The following EGR1 variants were observed in gnomAD, a reference collection of about 807,000 sequenced individuals.
The protein encoded by EGR1 is early growth response protein 1.
In EGR1, 8 loss-of-function variants were observed where a neutral mutation model predicts 30.2. The ratio of observed to expected loss-of-function variants is 0.26; its 90% CI spans 0.16 to 0.48. The LOEUF (loss-of-function observed/expected upper bound fraction) is 0.48, where lower values mean the gene tolerates loss of function less well. Among genes scored for constraint, EGR1 ranks in the 20% least tolerant of loss-of-function variants. EGR1 has a pLI of 0.99. For synonymous variants in EGR1, 334 were observed against 312.8 expected, an observed-to-expected ratio of 1.07 and a Z score of -0.72; for missense variants, 568 against 732.3, an observed-to-expected ratio of 0.78 and a Z score of 2.59.
At chr5:138,466,198 T>C in intron 1 of EGR1, 130 bp downstream of exon 1, 1 of 1,401,048 alleles carries the variant, frequency 7.1e-7, no homozygotes, top group Non-Finnish European at 9.4e-7. Flanking sequence ...ATCCCCAGAG[T>C]CATGTGTTAG....
rs762279773 is a variant in EGR1, at chr5:138,467,257, G to A, written c.808G>A (p.Asp270Asn). Residue 270 changes from aspartate (D) to asparagine (N), a missense_variant, in exon 2 of 2, where the codon GAC becomes AAC. By Grantham distance (23) the Asp-to-Asn change is conservative. Transcript: ENST00000239938. This position sits in a 1 kb window ranked among gnomAD's most constrained non-coding sequence, Gnocchi z 8.3. ...GGGGGATCTGGGCCTGGGCACCCCA[G>A]ACCAGAAGCCCTTCCAGGGCCTGGA... ...QQGDLGLGTPDQKPFQGLESR... is the reference protein window; with the variant it reads ...QQGDLGLGTPNQKPFQGLESR... The A allele has an allele frequency of 1.4e-5, 22 of 1,613,788 alleles. No homozygotes were observed. Among genetic ancestry groups the A allele is most frequent in the Non-Finnish European group, 1.9e-5 (22 of 1,180,026 alleles).
Position 138,468,109 on chromosome 5 carries a change from G to T in EGR1, c.*28G>T. On this transcript the variant is annotated 3_prime_UTR_variant, in exon 2 of 2. Coordinates refer to ENST00000239938, the MANE Select transcript of EGR1 (RefSeq NM_001964.3). ...GGAAAGGGGAAAGAAAGGGAAAAGG[G>T]AGAAAAAGAAACACAAGAGACTTAA... The T allele has an allele frequency of 1.3e-6, 2 of 1,541,680 alleles. No homozygotes were observed. The highest frequency in any genetic ancestry group is 1.3e-5 in the South Asian group (1 of 79,124).
In EGR1 at chr5:138,467,413, C is replaced by G; in HGVS notation, c.964C>G (p.Arg322Gly). ...CCAGCTCATCAAACCCAGCCGCATG[C>G]GCAAGTACCCCAACCGGCCCAGCAA... ...QSQLIKPSRM[R>G]KYPNRPSKTP... Residue 322 changes from arginine (R) to glycine (G), a missense_variant, in exon 2 of 2, where the codon CGC (arginine) becomes GGC (glycine). Around this residue, in one of 4 missense-constraint regions of EGR1, gnomAD observed 415 missense variants for 445.2 expected, o/e 0.93. Coordinates refer to ENST00000239938, the MANE Select transcript of EGR1 (RefSeq NM_001964.3). This position sits in a 1 kb window ranked among gnomAD's most constrained non-coding sequence, Gnocchi z 8.3. 1 of 1,614,206 alleles carries G rather than the reference C, an allele frequency of 6.2e-7. No individual in the cohort carries two copies. Among genetic ancestry groups the G allele is most frequent in the Non-Finnish European group, 8.5e-7 (1 of 1,180,044 alleles).
At position 138,465,905 on chromosome 5, in the gene EGR1, C is replaced by T. The variant is rs1764149844; in HGVS notation, c.144C>T (p.Phe48=). ...MMLLSNGAPQ[F]LGAAGAPEGS... is the part of the protein sequence containing the mutation. ...TGCTGAGCAACGGGGCTCCCCAGTT[C>T]CTCGGCGCCGCCGGGGCCCCAGAGG... The change falls in exon 1 of 2, where the codon TTC becomes TTT. Residue 48 remains phenylalanine (F), a synonymous_variant. Transcript: ENST00000239938. The T allele has an allele frequency of 3.1e-6, 5 of 1,613,882 alleles. No homozygotes were observed. The highest frequency in any genetic ancestry group is 4.2e-6 in the Non-Finnish European group (5 of 1,179,856).
At position 138,467,778 on chromosome 5, in the gene EGR1, G is replaced by A. The variant is rs199574070; in HGVS notation, c.1329G>A (p.Pro443=). ...CCACCTCCTCTCTCTCTTCCTACCCGTCCCCGGTTGCTACCTCTTACCCGT... is the reference window on the plus strand; with the variant it reads ...CCACCTCCTCTCTCTCTTCCTACCCATCCCCGGTTGCTACCTCTTACCCGT... ...SSATSSLSSY[P]SPVATSYPSP... is the part of the protein sequence containing the mutation. The change falls in exon 2 of 2, where the codon CCG becomes CCA. Residue 443 remains proline, a synonymous_variant. Coordinates refer to ENST00000239938, the MANE Select transcript of EGR1 (RefSeq NM_001964.3). This position sits in a 1 kb window ranked among gnomAD's most constrained non-coding sequence, Gnocchi z 8.3. 6.2e-7 allele frequency: 1 copy of A among 1,613,394 alleles called. No homozygotes were observed. The highest frequency in any genetic ancestry group is 8.5e-7 in the Non-Finnish European group (1 of 1,179,668).
At position 138,466,020 on chromosome 5, in the gene EGR1, A is replaced by G. The variant is rs1764153451; in HGVS notation, c.259A>G (p.Asn87Asp). Reference sequence around the variant, plus strand: ...CAGCAGCAGCAGCAGCAGCACCTTCAACCCTCAGGCGGACACGGGCGAGCA... The same window carrying G: ...CAGCAGCAGCAGCAGCAGCACCTTCGACCCTCAGGCGGACACGGGCGAGCA... The part of the protein sequence containing the change: ...SNSSSSSSTF[N>D]PQADTGEQPY... Residue 87 changes from asparagine to aspartate, a missense_variant, in exon 1 of 2, where the codon AAC (asparagine) becomes GAC (aspartate). By Grantham distance (23) the Asn-to-Asp change is conservative. Coordinates refer to ENST00000239938, the MANE Select transcript of EGR1 (RefSeq NM_001964.3). 6.2e-7 allele frequency: 1 copy of G among 1,606,420 alleles called. No individual in the cohort carries two copies. The highest frequency in any genetic ancestry group is 1.3e-5 in the African/African-American group (1 of 74,772).
chr5:138,465,832 C>A lies in EGR1; in HGVS notation c.71C>A (p.Pro24His), dbSNP rs547507736. The change falls in exon 1 of 2, where the codon CCT (proline) becomes CAT (histidine). Residue 24 changes from proline to histidine, a missense_variant. By Grantham distance (77) the Pro-to-His change is moderately conservative. Around this residue, in one of 4 missense-constraint regions of EGR1, gnomAD observed 415 missense variants for 445.2 expected, o/e 0.93. Transcript: ENST00000239938. ...ATCTCTGACCCGTTCGGATCCTTTCCTCACTCGCCCACCATGGACAACTAC... is the reference window on the plus strand; with the variant it reads ...ATCTCTGACCCGTTCGGATCCTTTCATCACTCGCCCACCATGGACAACTAC... ...LQISDPFGSF[P>H]HSPTMDNYPK... The A allele has an allele frequency of 3.1e-6, 5 of 1,613,984 alleles. No individual in the cohort carries two copies. In the East Asian group the frequency reaches 1.1e-4, roughly 36 times the overall value.
Position 138,465,827 on chromosome 5 carries a change from C to T in EGR1, c.66C>T (p.Ser22=). ...TGCAGATCTCTGACCCGTTCGGATC[C>T]TTTCCTCACTCGCCCACCATGGACA... is the stretch of plus-strand genomic sequence containing the variant. The part of the protein sequence containing the change: ...SPLQISDPFG[S]FPHSPTMDNY... The change falls in exon 1 of 2, where the codon TCC becomes TCT. Residue 22 remains serine (S), a synonymous_variant. Coordinates refer to ENST00000239938, the MANE Select transcript of EGR1 (RefSeq NM_001964.3). 6.2e-7 allele frequency: 1 copy of T among 1,613,974 alleles called. No homozygotes were observed. The highest frequency in any genetic ancestry group is 1.1e-5 in the South Asian group (1 of 91,084).
Position 138,468,278 on chromosome 5 carries a change from A to T in EGR1, c.*197A>T, listed in dbSNP as rs188002849. ...TCTGCCCACTTCCCCTTCCCCAATT[A>T]CTATTCCCTTTGACTTCAGCTGCCT... On this transcript the variant is annotated 3_prime_UTR_variant, in exon 2 of 2. Transcript: ENST00000239938. 3.2e-6 allele frequency: 4 copies of T among 1,234,450 alleles called. No homozygotes were observed. In the Admixed American group the frequency reaches 7.9e-5, roughly 25 times the overall value. The allele number at this position is 1,234,450 out of a possible 1,614,324, so 76.5% of individuals were successfully genotyped here.
chr5:138,466,507 A>T (rs577479459), intron 1 of EGR1, among the ~76,000 whole-genome samples: 1 of 152,198 alleles, frequency 6.6e-6, no homozygotes, highest in African/African-American at 2.4e-5. Flanking sequence ...CCTCGCCCGC[A>T]CAGCCGCCGC....
At position 138,467,976 on chromosome 5, in the gene EGR1, G is replaced by A. The variant is rs28365162; in HGVS notation, c.1527G>A (p.Gln509=). Residue 509 remains glutamine, a synonymous_variant, in exon 2 of 2, where the codon CAG becomes CAA. Coordinates refer to ENST00000239938, the MANE Select transcript of EGR1 (RefSeq NM_001964.3). This position sits in a 1 kb window ranked among gnomAD's most constrained non-coding sequence, Gnocchi z 8.3. ...CTGTTCCCCCTGCTTTCCCGGCCCAGGTCAGCAGCTTCCCTTCCTCAGCTG... is the reference window on the plus strand; with the variant it reads ...CTGTTCCCCCTGCTTTCCCGGCCCAAGTCAGCAGCTTCCCTTCCTCAGCTG... The part of the protein sequence containing the change: ...YSSVPPAFPA[Q]VSSFPSSAVT... The A allele has an allele frequency of 1.2e-6, 2 of 1,614,046 alleles. No individual in the cohort carries two copies. Among genetic ancestry groups the A allele is most frequent in the Non-Finnish European group, 1.7e-6 (2 of 1,179,982 alleles).
rs1364304172 is a variant in EGR1 at position 138,467,819 on chromosome 5, C to T, written c.1370C>T (p.Ser457Phe). The T allele has an allele frequency of 6.2e-7, 1 of 1,613,772 alleles. No homozygotes were observed. Among genetic ancestry groups the T allele is most frequent in the Non-Finnish European group, 8.5e-7 (1 of 1,179,662 alleles). Residue 457 changes from serine to phenylalanine, a missense_variant, in exon 2 of 2, where the codon TCT (serine) becomes TTT (phenylalanine). By Grantham distance (155) the Ser-to-Phe change is radical. Around this residue, in one of 4 missense-constraint regions of EGR1, gnomAD observed 118 missense variants for 161.6 expected, o/e 0.73. Coordinates refer to ENST00000239938, the MANE Select transcript of EGR1 (RefSeq NM_001964.3). This position sits in a 1 kb window ranked among gnomAD's most constrained non-coding sequence, Gnocchi z 8.3. ...TCTTACCCGTCCCCGGTTACTACCT[C>T]TTATCCATCCCCGGCCACCACCTCA... is the stretch of plus-strand genomic sequence containing the variant. ...ATSYPSPVTTSYPSPATTSYP... is the reference protein window; with the variant it reads ...ATSYPSPVTTFYPSPATTSYP...
chr5:138,468,923 T>G lies in EGR1; in HGVS notation c.*842T>G, dbSNP rs1764194978. The G allele has an allele frequency of 6.6e-6, 1 of 152,228 alleles. No homozygotes were observed. Among genetic ancestry groups the G allele is most frequent in the Non-Finnish European group, 1.5e-5 (1 of 67,978 alleles). The allele number at this position is 152,228 out of a possible 1,614,324, so 9.4% of individuals were successfully genotyped here. ...TGAGGGACATGCTCACCTCTAGCCT[T>G]AAGGGGGGCAGGGAGTGATGATTTG... On this transcript the variant is annotated 3_prime_UTR_variant, in exon 2 of 2. Transcript: ENST00000239938.
At position 138,466,838 on chromosome 5, in the gene EGR1, C is replaced by T; in HGVS notation, c.389C>T (p.Pro130Leu). Residue 130 changes from proline to leucine, a missense_variant, in exon 2 of 2, where the codon CCC (proline) becomes CTC (leucine). Pro to Leu is a moderately conservative substitution (Grantham distance 98). Coordinates refer to ENST00000239938, the MANE Select transcript of EGR1 (RefSeq NM_001964.3). Reference protein sequence around the residue: ...SYPSQTTRLPPITYTGRFSLE... With the variant: ...SYPSQTTRLPLITYTGRFSLE... ...CCCAGCCAAACCACTCGACTGCCCC[C>T]CATCACCTATACTGGCCGCTTTTCC... The T allele has an allele frequency of 6.2e-7, 1 of 1,614,122 alleles. No homozygotes were observed. Among genetic ancestry groups the T allele is most frequent in the Non-Finnish European group, 8.5e-7 (1 of 1,180,022 alleles).
In EGR1 at chr5:138,466,795, C is replaced by T. The variant is rs550624164; in HGVS notation, c.346C>T (p.Leu116=). 6.2e-6 allele frequency: 10 copies of T among 1,613,966 alleles called. No individual in the cohort carries two copies. The highest frequency in any genetic ancestry group is 8.5e-6 in the Non-Finnish European group (10 of 1,179,924). Reference sequence around the variant, plus strand: ...CATCTCTCTGAACAACGAGAAGGTGCTGGTGGAGACCAGTTACCCCAGCCA... The same window carrying T: ...CATCTCTCTGAACAACGAGAAGGTGTTGGTGGAGACCAGTTACCCCAGCCA... ...PDISLNNEKV[L]VETSYPSQTT... The change falls in exon 2 of 2, where the codon CTG becomes TTG. Residue 116 remains leucine (L), a synonymous_variant. Coordinates refer to ENST00000239938, the MANE Select transcript of EGR1 (RefSeq NM_001964.3).
At position 138,465,929 on chromosome 5, in the gene EGR1, G is replaced by A. The variant is rs1348362351; in HGVS notation, c.168G>A (p.Glu56=). Reference sequence around the variant, plus strand: ...TCCTCGGCGCCGCCGGGGCCCCAGAGGGCAGCGGCAGCAACAGCAGCAGCA... The same window carrying A: ...TCCTCGGCGCCGCCGGGGCCCCAGAAGGCAGCGGCAGCAACAGCAGCAGCA... ...PQFLGAAGAP[E]GSGSNSSSSS... The change falls in exon 1 of 2, where the codon GAG becomes GAA. Residue 56 remains glutamate (E), a synonymous_variant. Transcript: ENST00000239938. 1 of 1,613,508 alleles carries A rather than the reference G, an allele frequency of 6.2e-7. No homozygotes were observed. The highest frequency in any genetic ancestry group is 2.2e-5 in the East Asian group (1 of 44,872).
Position 138,468,401 on chromosome 5 carries a change from A to G in EGR1, c.*320A>G. 2.0e-6 allele frequency: 1 copy of G among 509,620 alleles called. No individual in the cohort carries two copies. Among genetic ancestry groups the G allele is most frequent in the Non-Finnish European group, 3.8e-6 (1 of 265,080 alleles). The allele number at this position is 509,620 out of a possible 1,614,324, so 31.6% of individuals were successfully genotyped here. A position where few individuals can be genotyped will look rare whatever the true frequency, so the allele number is the denominator to read the frequency against. ...CAGTATCATCTCCATCATATGCCTG[A>G]CCCCTTGCTCCCTTCAATGCTAGAA... On this transcript the variant is annotated 3_prime_UTR_variant, in exon 2 of 2. Transcript: ENST00000239938.
chr5:138,467,716 G>A lies in EGR1; in HGVS notation c.1267G>A (p.Asp423Asn), dbSNP rs755983566. ...RHTKIHLRQK[D>N]KKADKSVVAS... ...TACCAAGATCCACTTGCGGCAGAAG[G>A]ACAAGAAAGCAGACAAAAGTGTTGT... Residue 423 changes from aspartate to asparagine, a missense_variant, in exon 2 of 2, where the codon GAC becomes AAC. By Grantham distance (23) the Asp-to-Asn change is conservative. Around this residue, in one of 4 missense-constraint regions of EGR1, gnomAD observed 118 missense variants for 161.6 expected, o/e 0.73. Transcript: ENST00000239938. This position sits in a 1 kb window ranked among gnomAD's most constrained non-coding sequence, Gnocchi z 8.3. 40 of 1,614,066 alleles carry A rather than the reference G, an allele frequency of 2.5e-5. No individual in the cohort carries two copies. The highest frequency in any genetic ancestry group is 3.3e-5 in the Non-Finnish European group (39 of 1,180,038).
rs747264118 is a variant in EGR1 at position 138,466,827 on chromosome 5, T to G, written c.378T>G (p.Thr126=). 1.2e-6 allele frequency: 2 copies of G among 1,613,694 alleles called. No individual in the cohort carries two copies. The highest frequency in any genetic ancestry group is 2.7e-5 in the African/African-American group (2 of 74,758). Residue 126 remains threonine, a synonymous_variant, in exon 2 of 2, where the codon ACT becomes ACG. Transcript: ENST00000239938. ...LVETSYPSQT[T]RLPPITYTGR... ...AGACCAGTTACCCCAGCCAAACCAC[T>G]CGACTGCCCCCCATCACCTATACTG...
Sources: allele counts gnomAD v4.1 joint callset (sites outside exome capture counted in the v4.1 genomes callset), GRCh38; gene constraint gnomAD v4.1.1; regional missense constraint gnomAD v4.1.1; non-coding constraint Gnocchi (gnomAD v3.1); transcripts MANE v1.5; gene names NCBI Gene and HGNC (gene_info 2026-07-23, HGNC 2026-07-21).